The following ZMYND12 variants were observed in gnomAD, a reference collection of about 807,000 sequenced individuals.
The protein encoded by ZMYND12 is zinc finger MYND-type containing 12.
In ZMYND12, 32 loss-of-function variants were observed where a neutral mutation model predicts 41.7. The observed-to-expected ratio is 0.77, with a 90% CI of 0.58 to 1.03. ZMYND12 has a LOEUF of 1.03. Among genes scored for constraint, ZMYND12 ranks in the 50% least tolerant of loss-of-function variants. The pLI, the probability that ZMYND12 is intolerant of heterozygous loss-of-function variation, is 0.00. For synonymous variants in ZMYND12, 148 were observed against 164.8 expected (o/e 0.90, Z 0.78); for missense variants, 424 against 438.5 (o/e 0.97, Z 0.30).
rs759509757 is a variant in ZMYND12 at position 42,449,985 on chromosome 1, G to T, written c.185C>A (p.Thr62Asn). 2 of 1,613,964 alleles carry T rather than the reference G, an allele frequency of 1.2e-6. No individual in the cohort carries two copies. The highest frequency in any genetic ancestry group is 2.2e-5 in the East Asian group (1 of 44,878). Residue 62 changes from threonine to asparagine, a missense_variant, in exon 2 of 8, where the codon ACT (threonine) becomes AAT (asparagine). Thr to Asn is a moderately conservative substitution (Grantham distance 65). Coordinates refer to ENST00000372565, the MANE Select transcript of ZMYND12 (RefSeq NM_032257.5). The part of the protein sequence containing the change: ...KICQLLIPLR[T>N]SMPFYNSEEE... ...CTCTGAATTGTAGAAGGGCATGGAA[G>T]TGCGCAGTGGAATCAAGAGCTGACA...
At chr1:42,444,560 C>T (rs1643002698) in intron 3 of ZMYND12, among the ~76,000 whole-genome samples, 1 of 152,142 alleles carries the variant, frequency 6.6e-6, no homozygotes, top group African/African-American at 2.4e-5. Context: ...GTGAAGACAA[C>T]TCAGATTCAA....
At chr1:42,450,984 T>C (rs1208409725) in intron 1 of ZMYND12, among the ~76,000 whole-genome samples, 1 of 152,232 alleles carries the variant, frequency 6.6e-6, no homozygotes, top group Non-Finnish European at 1.5e-5. Context: ...GAGATTTATT[T>C]TATGGTCTAA....
intron 6 of ZMYND12, among the ~76,000 whole-genome samples, chr1:42,434,659 G>T (rs1015878497): frequency 2.0e-5 from 3 of 151,808 alleles, no homozygotes; most frequent in African/African-American, 7.3e-5. Flanking sequence ...AAAGGATCTA[G>T]GATGTACACT....
intron 4 of ZMYND12, among the ~76,000 whole-genome samples, chr1:42,438,931 A>G (rs1161662083): frequency 2.0e-5 from 3 of 151,932 alleles, no homozygotes; most frequent in African/African-American, 7.3e-5. Context: ...CCTAATAGAA[A>G]CCCCTTAAAT....
intron 1 of ZMYND12, among the ~76,000 whole-genome samples, chr1:42,454,940 G>C (rs1643137229): frequency 1.3e-5 from 2 of 152,088 alleles, no homozygotes; most frequent in African/African-American, 2.4e-5. Flanking sequence ...AAAACACTAA[G>C]ACAAAAGTTT....
chr1:42,448,352 T>A, intron 3 of ZMYND12, 115 bp downstream of exon 3: 1 of 1,246,064 alleles, frequency 8.0e-7, no homozygotes, highest in Non-Finnish European at 1.1e-6. Flanking sequence ...GCAACCCTGC[T>A]CCTTCTACAA....
chr1:42,446,432 TG>T (rs1166068727), intron 3 of ZMYND12, among the ~76,000 whole-genome samples: 1 of 151,990 alleles, frequency 6.6e-6, no homozygotes, highest in Non-Finnish European at 1.5e-5. Context: ...CTGAAGCAGG[TG>T]GATCACTTGA....
At chr1:42,431,169 G>C (rs947323480) in intron 7 of ZMYND12, among the ~76,000 whole-genome samples, 2 of 152,206 alleles carry the variant, frequency 1.3e-5, no homozygotes, top group African/African-American at 4.8e-5. Context: ...GGAGGGCATA[G>C]AGGTGACAGG....
Position 42,433,378 on chromosome 1 carries a change from T to C in ZMYND12, c.830-90A>G, listed in dbSNP as rs1642875249. 4 of 1,428,904 alleles carry C rather than the reference T, an allele frequency of 2.8e-6. No homozygotes were observed. In the African/African-American group the frequency reaches 4.4e-5, roughly 16 times the overall value. 88.5% of individuals were successfully genotyped at this position (1,428,904 alleles called of 1,614,324 possible). ...CACTCAGCTGTTAAAGCGCCTGGTCTGCTGAAGCCTTCCCAAGGGCACTGG... is the reference window on the plus strand; with the variant it reads ...CACTCAGCTGTTAAAGCGCCTGGTCCGCTGAAGCCTTCCCAAGGGCACTGG... On this transcript the variant is annotated intron_variant, in intron 6 of 7. Coordinates refer to ENST00000372565, the MANE Select transcript of ZMYND12 (RefSeq NM_032257.5).
At chr1:42,446,608 C>T (rs1429955709) in intron 3 of ZMYND12, among the ~76,000 whole-genome samples, 3 of 150,166 alleles carry the variant, frequency 2.0e-5, no homozygotes, top group Non-Finnish European at 3.0e-5. Flanking sequence ...GCTCAGATTG[C>T]GCCACTGCAC....
chr1:42,434,159 T>C (rs549129346), intron 6 of ZMYND12, among the ~76,000 whole-genome samples: 1 of 152,194 alleles, frequency 6.6e-6, no homozygotes, highest in African/African-American at 2.4e-5. Context: ...TTATTGCCTA[T>C]AGGTTCTATA....
intron 6 of ZMYND12, 23 bp from the exon 7 acceptor site, chr1:42,433,311 A>G: frequency 6.3e-7 from 1 of 1,587,790 alleles, no homozygotes; most frequent in Non-Finnish European, 8.5e-7. Flanking sequence ...GGGAAGAAAG[A>G]AAAAACAGGC....
chr1:42,451,057 T>C (rs933389298), intron 1 of ZMYND12, among the ~76,000 whole-genome samples: 1 of 152,254 alleles, frequency 6.6e-6, no homozygotes, highest in African/African-American at 2.4e-5. Flanking sequence ...TCTCATGTTA[T>C]TGAATGGTGT....
In ZMYND12 at chr1:42,430,670, A is replaced by G. The variant is rs2148402993; in HGVS notation, c.*66T>C. The G allele has an allele frequency of 6.3e-7, 1 of 1,590,110 alleles. No homozygotes were observed. Among genetic ancestry groups the G allele is most frequent in the East Asian group, 2.3e-5 (1 of 44,388 alleles). On this transcript the variant is annotated 3_prime_UTR_variant, in exon 8 of 8. Transcript: ENST00000372565. ...CTACAGTACCTCAAAGCAGTTGTGC[A>G]AGGCTGGAATATATTAGATCTTCAG... is the stretch of plus-strand genomic sequence containing the variant.
rs573225095 is a variant in ZMYND12 at position 42,454,099 on chromosome 1, G to A, written c.110+1789C>T. Among the ~76,000 whole-genome samples the A allele has an allele frequency of 5.3e-5, 8 of 152,310 alleles. No homozygotes were observed. In the East Asian group the frequency reaches 7.7e-4, roughly 15 times the overall value. On this transcript the variant is annotated intron_variant, in intron 1 of 7. Coordinates refer to ENST00000372565, the MANE Select transcript of ZMYND12 (RefSeq NM_032257.5). ...GGAGCCAGGAAGGCTTGTAGTTGAA[G>A]GGGAGGTTCCTAGCAGAGAGAACAG...
At chr1:42,454,824 C>T (rs1414003230) in intron 1 of ZMYND12, among the ~76,000 whole-genome samples, 1 of 151,948 alleles carries the variant, frequency 6.6e-6, no homozygotes, top group African/African-American at 2.4e-5. Flanking sequence ...CTGCTTCAGC[C>T]TCCCGAGTAG....
chr1:42,450,422 T>C (rs553737136), intron 1 of ZMYND12, among the ~76,000 whole-genome samples: 47 of 152,368 alleles, frequency 3.1e-4, no homozygotes, highest in Admixed American at 2.2e-3. Context: ...GAATCTTCTT[T>C]TCTAGGCCAG....
chr1:42,436,474 T>C lies in ZMYND12; in HGVS notation c.664A>G (p.Asn222Asp), dbSNP rs144041315. The change falls in exon 5 of 8, where the codon AAT becomes GAT. Residue 222 changes from asparagine to aspartate, a missense_variant. Coordinates refer to ENST00000372565, the MANE Select transcript of ZMYND12 (RefSeq NM_032257.5). ...RTSGGYFHLA[N>D]IFYDLKKLDL... ...AACTTTTTAAGGTCATAGAATATATTAGCCAGGTGGAAGTAGCCTCCTGAA... is the reference window on the plus strand; with the variant it reads ...AACTTTTTAAGGTCATAGAATATATCAGCCAGGTGGAAGTAGCCTCCTGAA... 54 of 1,613,738 alleles carry C rather than the reference T, an allele frequency of 3.3e-5. No homozygotes were observed. Among genetic ancestry groups the C allele is most frequent in the Non-Finnish European group, 4.2e-5 (49 of 1,179,766 alleles).
chr1:42,440,817 C>T (rs964419487), intron 3 of ZMYND12, among the ~76,000 whole-genome samples: 1 of 152,008 alleles, frequency 6.6e-6, no homozygotes, highest in African/African-American at 2.4e-5. Context: ...TGCAAGCATG[C>T]ACCACCACGC....
Sources: allele counts gnomAD v4.1 joint callset (sites outside exome capture counted in the v4.1 genomes callset), GRCh38; gene constraint gnomAD v4.1.1; transcripts MANE v1.5; gene names NCBI Gene and HGNC (gene_info 2026-07-23, HGNC 2026-07-21).